DHX58: variants seen among roughly 807,000 people sequenced by gnomAD.
DHX58 encodes the protein ATP-dependent RNA helicase DHX58.
DHX58 carries 51 observed loss-of-function variants against 65.0 expected under a neutral mutation model. The observed-to-expected ratio is 0.78, with a 90% CI of 0.63 to 0.99. The LOEUF is 0.99. Ranked by LOEUF, DHX58 falls within the 50% of genes least tolerant of loss-of-function variation. DHX58 has a pLI of 0.00. For missense variants in DHX58, 773 were observed against 891.8 expected, an observed-to-expected ratio of 0.87 and a Z score of 1.70; for synonymous variants, 350 against 365.0, an observed-to-expected ratio of 0.96 and a Z score of 0.47.
chr17:42,101,566 A>G lies in DHX58; in HGVS notation c.*195T>C. 2 of 624,156 alleles carry G rather than the reference A, an allele frequency of 3.2e-6. No homozygotes were observed. The highest frequency in any genetic ancestry group is 5.5e-6 in the Non-Finnish European group (2 of 365,686). 38.7% of individuals were successfully genotyped at this position (624,156 alleles called of 1,614,324 possible). A position where few individuals can be genotyped will look rare whatever the true frequency, so the allele number is the denominator to read the frequency against. ...CATATGAAAATGTCTATGTGCGTACAAGGTAGGTCTGGACTAAGCTCTGGC... is the reference window on the plus strand; with the variant it reads ...CATATGAAAATGTCTATGTGCGTACGAGGTAGGTCTGGACTAAGCTCTGGC... On this transcript the variant is annotated 3_prime_UTR_variant, in exon 14 of 14. Coordinates refer to ENST00000251642, the MANE Select transcript of DHX58 (RefSeq NM_024119.3).
In DHX58 at chr17:42,105,897, T is replaced by C. The variant is rs782700307; in HGVS notation, c.1090A>G (p.Ser364Gly). ...LEKILQRQFS[S>G]SNSPRGIIFT... Reference sequence around the variant, plus strand: ...ATGATACCCCGAGGGCTGTTAGAGCTACTGAACTGCCTTTGCAGGATCTTT... The same window carrying C: ...ATGATACCCCGAGGGCTGTTAGAGCCACTGAACTGCCTTTGCAGGATCTTT... Residue 364 changes from serine (S) to glycine (G), a missense_variant, in exon 9 of 14, where the codon AGC (serine) becomes GGC (glycine). Transcript: ENST00000251642. 6.2e-7 allele frequency: 1 copy of C among 1,613,946 alleles called. No homozygotes were observed. The highest frequency in any genetic ancestry group is 8.5e-7 in the Non-Finnish European group (1 of 1,180,014).
intron 6 of DHX58, among the ~76,000 whole-genome samples, chr17:42,108,409 G>T (rs936999738): frequency 8.5e-5 from 13 of 152,186 alleles, no homozygotes; most frequent in Non-Finnish European, 1.6e-4. Context: ...GAGTTTGGGG[G>T]GCAGGCACGT....
chr17:42,106,812 A>G (rs2054068129), intron 8 of DHX58, among the ~76,000 whole-genome samples: 1 of 151,446 alleles, frequency 6.6e-6, no homozygotes, highest in Admixed American at 6.6e-5. Context: ...AAAAACAAAA[A>G]CAAAAACAAA....
Position 42,111,475 on chromosome 17 carries a change from C to T in DHX58, c.191G>A (p.Gly64Asp). 1 of 1,614,054 alleles carries T rather than the reference C, an allele frequency of 6.2e-7. No individual in the cohort carries two copies. ...ATCCAGCATGCGCCTGAACTCTTCA[C>T]CATGCTGGGTCACCAGGTGCACCTG... ...VNRVHLVTQH[G>D]EEFRRMLDGR... The change falls in exon 4 of 14, where the codon GGT (glycine) becomes GAT (aspartate). Residue 64 changes from glycine (G) to aspartate (D), a missense_variant. Gly to Asp is a moderately conservative substitution (Grantham distance 94). Transcript: ENST00000251642.
Position 42,105,838 on chromosome 17 carries a change from G to C in DHX58, c.1149C>G (p.Leu383=). The change falls in exon 9 of 14, where the codon CTC becomes CTG. Residue 383 remains leucine, a synonymous_variant. Transcript: ENST00000251642. The stretch of plus-strand genomic sequence containing the variant: ...CCTGCTGCTGCTGGAGCCAGAGCAG[G>C]AGGGAGTGTGCGCTTTGGCGGGTGC... ...FTRTRQSAHS[L]LLWLQQQQGL... 6.2e-7 allele frequency: 1 copy of C among 1,614,052 alleles called. No individual in the cohort carries two copies. Among genetic ancestry groups the C allele is most frequent in the African/African-American group, 1.3e-5 (1 of 75,040 alleles).
In DHX58 at chr17:42,101,516, T is replaced by C; in HGVS notation, c.*245A>G. On this transcript the variant is annotated 3_prime_UTR_variant, in exon 14 of 14. Coordinates refer to ENST00000251642, the MANE Select transcript of DHX58 (RefSeq NM_024119.3). ...GTACAGTATGGCAAATTCTTTTGCC[T>C]CAGTTTCCCTAACTCCATCCAGTGC... The C allele has an allele frequency of 5.0e-6, 2 of 398,574 alleles. No individual in the cohort carries two copies. 24.7% of individuals were successfully genotyped at this position (398,574 alleles called of 1,614,324 possible).
At chr17:42,104,642 G>A (rs2054026370) in intron 11 of DHX58, 124 bp downstream of exon 11, 2 of 1,344,162 alleles carry the variant, frequency 1.5e-6, no homozygotes, top group Non-Finnish European at 2.0e-6. Flanking sequence ...CCTTCCCTAG[G>A]TGGCCAAAGT....
rs375478801 is a variant in DHX58 at position 42,111,897 on chromosome 17, G to A, written c.-1-4C>T. The A allele has an allele frequency of 5.6e-6, 9 of 1,603,554 alleles. No homozygotes were observed. The East Asian group carries it at 9.0e-5, about 16-fold the overall frequency. ...TTGGTAGGACCGAAGCTCCATTCTG[G>A]GAATGGCAGGGGACTCAGACCCACC... On this transcript the variant is annotated splice_region_variant and splice_polypyrimidine_tract_variant and intron_variant, in intron 2 of 13. Transcript: ENST00000251642.
intron 6 of DHX58, 118 bp from the exon 7 acceptor site, chr17:42,108,226 T>C: frequency 6.7e-7 from 1 of 1,484,056 alleles, no homozygotes; most frequent in South Asian, 1.3e-5. Context: ...GTCTTAGCTG[T>C]GGTGTGAGCT....
At chr17:42,110,591 GAGGA>G in intron 5 of DHX58, 128 bp downstream of exon 5, 1 of 965,136 alleles carries the variant, frequency 1.0e-6, no homozygotes, top group Non-Finnish European at 1.5e-6. Context: ...GGTCTTAGGT[GAGGA>G]AGGGGCCAGA....
chr17:42,105,496 C>T (rs993491476), intron 9 of DHX58, among the ~76,000 whole-genome samples: 10 of 152,124 alleles, frequency 6.6e-5, no homozygotes. Flanking sequence ...TCTTTCCCTA[C>T]GGACCCCCAT....
rs2054152602 is a variant in DHX58, at chr17:42,111,458, T to C, written c.208A>G (p.Met70Val). 1 of 1,614,110 alleles carries C rather than the reference T, an allele frequency of 6.2e-7. No homozygotes were observed. The highest frequency in any genetic ancestry group is 8.5e-7 in the Non-Finnish European group (1 of 1,180,020). The change falls in exon 4 of 14, where the codon ATG becomes GTG. Residue 70 changes from methionine (M) to valine (V), a missense_variant. Met to Val is a conservative substitution (Grantham distance 21). Coordinates refer to ENST00000251642, the MANE Select transcript of DHX58 (RefSeq NM_024119.3). ...VTQHGEEFRRMLDGRWTVTTL... is the reference protein window; with the variant it reads ...VTQHGEEFRRVLDGRWTVTTL... Reference sequence around the variant, plus strand: ...GTCACGGTCCAGCGTCCATCCAGCATGCGCCTGAACTCTTCACCATGCTGG... The same window carrying C: ...GTCACGGTCCAGCGTCCATCCAGCACGCGCCTGAACTCTTCACCATGCTGG...
chr17:42,104,209 G>GAA (rs782078070), intron 11 of DHX58, among the ~76,000 whole-genome samples: 1 of 142,896 alleles, frequency 7.0e-6, no homozygotes, highest in Non-Finnish European at 1.5e-5. Context: ...CCGTCTCGGG[G>GAA]AAAAAAAAAA....
intron 12 of DHX58, chr17:42,102,530 T>A (rs2053995372): frequency 5.7e-6 from 3 of 529,414 alleles, no homozygotes; most frequent in Non-Finnish European, 1.0e-5. Flanking sequence ...CAGCATCGGT[T>A]ACCTGGTCTT....
intron 2 of DHX58, 99 bp from the exon 3 acceptor site, chr17:42,111,992 AC>A (rs2054164468): frequency 1.4e-6 from 2 of 1,438,006 alleles, no homozygotes; most frequent in Non-Finnish European, 1.9e-6. Flanking sequence ...CCAGGACTCC[AC>A]CCCACTTGAG....
rs1598221442 is a variant in DHX58 at position 42,110,726 on chromosome 17, C to A, written c.558G>T (p.Leu186=). 2 of 1,600,398 alleles carry A rather than the reference C, an allele frequency of 1.2e-6. No homozygotes were observed. The highest frequency in any genetic ancestry group is 8.5e-7 in the Non-Finnish European group (1 of 1,173,054). The change falls in exon 5 of 14, where the codon CTG becomes CTT. Residue 186 remains leucine (L), a synonymous_variant. Coordinates refer to ENST00000251642, the MANE Select transcript of DHX58 (RefSeq NM_024119.3). ...SKLDGAINHV[L]QLCANLDTWC... ...GGCCCACAGGGGCCAGGCTGACCTG[C>A]AGGACGTGGTTGATGGCCCCATCGA... is the stretch of plus-strand genomic sequence containing the variant.
Position 42,105,882 on chromosome 17 carries a change from G to C in DHX58, c.1105C>G (p.Arg369Gly), listed in dbSNP as rs782341597. ...CGGGTGCGGGTGAAGATGATACCCC[G>C]AGGGCTGTTAGAGCTACTGAACTGC... ...QRQFSSSNSP[R>G]GIIFTRTRQS... The change falls in exon 9 of 14, where the codon CGG becomes GGG. Residue 369 changes from arginine (R) to glycine (G), a missense_variant. Physicochemically the swap from Arg to Gly is moderately radical, Grantham distance 125. Transcript: ENST00000251642. 6.2e-7 allele frequency: 1 copy of C among 1,613,960 alleles called. No individual in the cohort carries two copies. The highest frequency in any genetic ancestry group is 8.5e-7 in the Non-Finnish European group (1 of 1,180,010).
intron 11 of DHX58, 26 bp from the exon 12 acceptor site, chr17:42,103,824 T>A (rs782244075): frequency 6.3e-7 from 1 of 1,593,612 alleles, no homozygotes; most frequent in South Asian, 1.1e-5. Flanking sequence ...ACACCAGGCA[T>A]GGCTGGGGCC....
intron 11 of DHX58, 93 bp from the exon 12 acceptor site, chr17:42,103,891 C>G: frequency 1.5e-6 from 2 of 1,360,456 alleles, no homozygotes; most frequent in Non-Finnish European, 2.0e-6. Context: ...TCATTTGTAC[C>G]TGGAAGAGAC....
Sources: allele counts gnomAD v4.1 joint callset (sites outside exome capture counted in the v4.1 genomes callset), GRCh38; gene constraint gnomAD v4.1.1; transcripts MANE v1.5; gene names NCBI Gene and HGNC (gene_info 2026-07-23, HGNC 2026-07-21).